Variants in TAFA5 observed in about 807,000 individuals in gnomAD.
TAFA5 encodes the protein chemokine-like protein TAFA-5.
In TAFA5, 6 loss-of-function variants were observed where a neutral mutation model predicts 15.3. That is an observed-to-expected ratio of 0.39 (90% CI 0.21 to 0.77). The LOEUF is 0.77. Among genes scored for constraint, TAFA5 ranks in the 30% least tolerant of loss-of-function variants. The pLI, the probability that TAFA5 is intolerant of heterozygous loss-of-function variation, is 0.41. For synonymous variants in TAFA5, 103 were observed against 80.7 expected (o/e 1.28, Z -1.48); for missense variants, 161 against 193.1 (o/e 0.83, Z 0.98).
intron 3 of TAFA5, among the ~76,000 whole-genome samples, chr22:48,722,688 G>A (rs924423998): frequency 6.6e-6 from 1 of 152,140 alleles, no homozygotes; most frequent in Non-Finnish European, 1.5e-5. Context: ...ATGTACCCCA[G>A]AACTTAAAGT....
chr22:48,632,766 G>T (rs1289779137), intron 1 of TAFA5, among the ~76,000 whole-genome samples: 3 of 152,222 alleles, frequency 2.0e-5, no homozygotes, highest in African/African-American at 7.2e-5. Context: ...AGCAGCAGAG[G>T]CTGGAGGCCT....
intron 3 of TAFA5, among the ~76,000 whole-genome samples, chr22:48,734,244 T>C (rs1453484392): frequency 6.6e-6 from 1 of 150,592 alleles, no homozygotes; most frequent in Non-Finnish European, 1.5e-5. Flanking sequence ...CCGTGAGAAA[T>C]GAGAAAAGTC....
intron 2 of TAFA5, among the ~76,000 whole-genome samples, chr22:48,702,017 G>T (rs772056380): frequency 6.6e-6 from 1 of 152,212 alleles, no homozygotes; most frequent in African/African-American, 2.4e-5. Context: ...GGTGGAAGGA[G>T]CCAAGCCCTT....
rs1444485605 is a variant in TAFA5, at chr22:48,693,030, A to G, written c.263-14687A>G. On this transcript the variant is annotated intron_variant, in intron 2 of 3. Coordinates refer to ENST00000402357, the MANE Select transcript of TAFA5 (RefSeq NM_001082967.3). ...CTCACTATTCACAGAACTCAGCAGA[A>G]CTCAGCAGCGTGTTTGTCAAGGGCA... 2.3e-4 allele frequency among the ~76,000 whole-genome samples: 35 copies of G among 152,200 alleles called. 1 individual carries two copies. Among genetic ancestry groups the G allele is most frequent in the Admixed American group, 2.3e-3 (35 of 15,282 alleles).
chr22:48,680,107 A>G (rs558898584), intron 2 of TAFA5, among the ~76,000 whole-genome samples: 1 of 152,266 alleles, frequency 6.6e-6, no homozygotes, highest in East Asian at 1.9e-4. Flanking sequence ...GTGGGTGTGG[A>G]TGGGTGGCCA....
intron 1 of TAFA5, among the ~76,000 whole-genome samples, chr22:48,551,743 ACT>A (rs113431813): frequency 0.029 from 4,348 of 151,672 alleles, 129 homozygotes; most frequent in African/African-American, 0.08. Flanking sequence ...GGCTAAGGAA[ACT>A]CTGTGACAAG....
At chr22:48,523,756 C>T (rs1489401935) in intron 1 of TAFA5, among the ~76,000 whole-genome samples, 1 of 152,196 alleles carries the variant, frequency 6.6e-6, no homozygotes, top group Non-Finnish European at 1.5e-5. Context: ...TACCAAGAGG[C>T]TTTAGTGGGA....
intron 1 of TAFA5, among the ~76,000 whole-genome samples, chr22:48,542,296 GAT>G (rs139508494): frequency 0.53 from 68,958 of 130,580 alleles, 21,264 homozygotes; most frequent in Middle Eastern, 0.76. Context: ...GTGCATGTGT[GAT>G]GTGTGTGTAG....
intron 1 of TAFA5, among the ~76,000 whole-genome samples, chr22:48,559,383 G>A (rs111969248): frequency 0.011 from 1,659 of 152,232 alleles, 37 homozygotes; most frequent in African/African-American, 0.037. Context: ...CCTTGCTCTC[G>A]GGAGCAGGCA....
intron 2 of TAFA5, among the ~76,000 whole-genome samples, chr22:48,679,781 TG>T (rs1200788677): frequency 8.0e-6 from 1 of 124,300 alleles, no homozygotes; most frequent in Non-Finnish European, 1.6e-5. Flanking sequence ...CCCGGCTCCC[TG>T]TCCATCCCTC....
rs536093270 is a variant in TAFA5, at chr22:48,511,840, G to A, written c.112+22136G>A. On this transcript the variant is annotated intron_variant, in intron 1 of 3. Transcript: ENST00000402357. Reference sequence around the variant, plus strand: ...GCAACTGCCCGCTTGTGCCTGGTGCGTCCCCCGAAGCCGAGGCTGATGTCT... The same window carrying A: ...GCAACTGCCCGCTTGTGCCTGGTGCATCCCCCGAAGCCGAGGCTGATGTCT... Among the ~76,000 whole-genome samples, 70 of 152,360 alleles carry A rather than the reference G, an allele frequency of 4.6e-4. 1 individual carries two copies. The highest frequency in any genetic ancestry group is 1.5e-3 in the African/African-American group (62 of 41,590).
At chr22:48,497,275 C>T (rs537214143) in intron 1 of TAFA5, among the ~76,000 whole-genome samples, 10 of 152,222 alleles carry the variant, frequency 6.6e-5, no homozygotes, top group African/African-American at 1.4e-4. Context: ...GAGGAGAAGC[C>T]GGGGCCTGCG....
chr22:48,619,808 G>A (rs546408422), intron 1 of TAFA5, among the ~76,000 whole-genome samples: 8 of 152,338 alleles, frequency 5.3e-5, no homozygotes, highest in Non-Finnish European at 1.0e-4. Flanking sequence ...AGTCTGGAGC[G>A]GCATGCTGGG....
intron 2 of TAFA5, among the ~76,000 whole-genome samples, chr22:48,667,664 C>CA (rs1293620874): frequency 2.0e-5 from 3 of 152,258 alleles, no homozygotes; most frequent in African/African-American, 7.2e-5. Context: ...ACTCCCCTGG[C>CA]AAAAATAATC....
intron 2 of TAFA5, among the ~76,000 whole-genome samples, chr22:48,681,494 A>AC (rs904269280): frequency 6.7e-6 from 1 of 149,838 alleles, no homozygotes; most frequent in African/African-American, 2.5e-5. Context: ...AAAATACAAA[A>AC]AAAAAAAAAA....
intron 3 of TAFA5, among the ~76,000 whole-genome samples, chr22:48,734,729 G>A (rs774461500): frequency 1.2e-4 from 18 of 152,226 alleles, no homozygotes; most frequent in South Asian, 2.1e-4. Flanking sequence ...GAACAGCCCC[G>A]TCCTGAAATG....
At chr22:48,696,792 G>A (rs1351466594) in intron 2 of TAFA5, among the ~76,000 whole-genome samples, 1 of 152,256 alleles carries the variant, frequency 6.6e-6, no homozygotes, top group African/African-American at 2.4e-5. Flanking sequence ...CAAACCCTGT[G>A]CTACATGAGA....
At chr22:48,512,016 G>A (rs573853916) in intron 1 of TAFA5, among the ~76,000 whole-genome samples, 2 of 152,318 alleles carry the variant, frequency 1.3e-5, no homozygotes, top group South Asian at 4.1e-4. Flanking sequence ...CTGCAGGGAG[G>A]GCCACCAGAA....
At chr22:48,546,016 G>A (rs1458312278) in intron 1 of TAFA5, among the ~76,000 whole-genome samples, 2 of 152,208 alleles carry the variant, frequency 1.3e-5, no homozygotes, top group Non-Finnish European at 2.9e-5. Flanking sequence ...GGGTGGCCAG[G>A]CCCGTCGCTG....
Sources: allele counts gnomAD v4.1 joint callset (sites outside exome capture counted in the v4.1 genomes callset), GRCh38; gene constraint gnomAD v4.1.1; transcripts MANE v1.5; gene names NCBI Gene and HGNC (gene_info 2026-07-23, HGNC 2026-07-21).